Variants in PPFIBP1 observed in about 807,000 individuals in gnomAD.
PPFIBP1 encodes the protein PPFIB scaffold protein 1, also known as liprin-beta-1.
Under a neutral mutation model 137.8 loss-of-function variants are expected in PPFIBP1, and 112 were observed. The ratio of observed to expected loss-of-function variants is 0.81; its 90% CI spans 0.70 to 0.95. PPFIBP1 has a LOEUF of 0.95. Among genes scored for constraint, PPFIBP1 ranks in the 40% least tolerant of loss-of-function variants. The pLI is 0.00. For synonymous variants in PPFIBP1, 378 were observed against 417.3 expected, an observed-to-expected ratio of 0.91 and a Z score of 1.15; for missense variants, 1,083 against 1,196.6, an observed-to-expected ratio of 0.91 and a Z score of 1.40.
intron 7 of PPFIBP1, among the ~76,000 whole-genome samples, chr12:27,651,543 C>T (rs560907587): frequency 6.6e-6 from 1 of 152,160 alleles, no homozygotes; most frequent in African/African-American, 2.4e-5. Flanking sequence ...CTCTAAAAAT[C>T]TCTTTGATAT....
chr12:27,645,142 T>A (rs1171417166), intron 4 of PPFIBP1, among the ~76,000 whole-genome samples: 1 of 152,230 alleles, frequency 6.6e-6, no homozygotes, highest in Non-Finnish European at 1.5e-5. Flanking sequence ...GGTGGCCCCA[T>A]CTAACACTTT....
At chr12:27,570,669 A>T (rs911698957) in intron 1 of PPFIBP1, among the ~76,000 whole-genome samples, 7 of 152,054 alleles carry the variant, frequency 4.6e-5, no homozygotes, top group African/African-American at 1.7e-4. Context: ...AAAAATGTAC[A>T]TAAGGCCAAG....
At chr12:27,674,603 T>G (rs1311600823) in intron 17 of PPFIBP1, among the ~76,000 whole-genome samples, 1 of 152,148 alleles carries the variant, frequency 6.6e-6, no homozygotes, top group Non-Finnish European at 1.5e-5. Context: ...TGTTATGAAT[T>G]TCACTTCAGT....
In PPFIBP1 at chr12:27,681,586, G is replaced by A. The variant is rs1206024262; in HGVS notation, c.1936G>A (p.Val646Ile). 2 of 1,614,008 alleles carry A rather than the reference G, an allele frequency of 1.2e-6. No individual in the cohort carries two copies. The highest frequency in any genetic ancestry group is 1.7e-6 in the Non-Finnish European group (2 of 1,179,994). The part of the protein sequence containing the change: ...MPFAKWTKEQ[V>I]CNWLMEQGLG... Reference sequence around the variant, plus strand: ...ATTTGCCAAGTGGACCAAGGAGCAGGTTTGCAATTGGCTGATGGAACAGGG... The same window carrying A: ...ATTTGCCAAGTGGACCAAGGAGCAGATTTGCAATTGGCTGATGGAACAGGG... The change falls in exon 22 of 30, where the codon GTT becomes ATT. Residue 646 changes from valine (V) to isoleucine (I), a missense_variant. By Grantham distance (29) the Val-to-Ile change is conservative. Coordinates refer to ENST00000228425, the MANE Select transcript of PPFIBP1 (RefSeq NM_003622.4).
intron 1 of PPFIBP1, among the ~76,000 whole-genome samples, chr12:27,527,902 G>A (rs1943959097): frequency 6.6e-6 from 1 of 152,116 alleles, no homozygotes; most frequent in South Asian, 2.1e-4. Context: ...AGTCAAAGCT[G>A]TTAGGGTTAC....
At position 27,687,524 on chromosome 12, in the gene PPFIBP1, G is replaced by T. The variant is rs1374023190; in HGVS notation, c.2370+17G>T. On this transcript the variant is annotated intron_variant, in intron 25 of 29. Transcript: ENST00000228425. Reference sequence around the variant, plus strand: ...TCTGATGAGGTAGTGTTTTAAGATTGAGGTTTATAAGCATGCACTTCCCAG... The same window carrying T: ...TCTGATGAGGTAGTGTTTTAAGATTTAGGTTTATAAGCATGCACTTCCCAG... 2 of 1,612,386 alleles carry T rather than the reference G, an allele frequency of 1.2e-6. No individual in the cohort carries two copies. Among genetic ancestry groups the T allele is most frequent in the Non-Finnish European group, 1.7e-6 (2 of 1,179,122 alleles).
intron 2 of PPFIBP1, among the ~76,000 whole-genome samples, chr12:27,596,523 A>T (rs2053328006): frequency 1.3e-5 from 2 of 151,884 alleles, no homozygotes; most frequent in Non-Finnish European, 2.9e-5. Flanking sequence ...TTGTTTTATT[A>T]TTATTTTTTA....
chr12:27,654,315 T>TA (rs2059062680), intron 7 of PPFIBP1: 1 of 152,842 alleles, frequency 6.5e-6, no homozygotes, highest in South Asian at 2.1e-4. Flanking sequence ...GTTCAAAAGG[T>TA]AAATGGCTTT....
intron 2 of PPFIBP1, among the ~76,000 whole-genome samples, chr12:27,614,953 C>T (rs565996860): frequency 3.9e-5 from 6 of 152,138 alleles, no homozygotes; most frequent in Non-Finnish European, 8.8e-5. Context: ...GGTATTAATG[C>T]CTTCTAGTTG....
chr12:27,671,826 C>A (rs1593280844), intron 14 of PPFIBP1, among the ~76,000 whole-genome samples: 1 of 152,152 alleles, frequency 6.6e-6, no homozygotes, highest in South Asian at 2.1e-4. Context: ...AATCTCAGCA[C>A]TTTGGAAGGC....
chr12:27,528,849 AT>A (rs1944081599), intron 1 of PPFIBP1, among the ~76,000 whole-genome samples: 1 of 152,126 alleles, frequency 6.6e-6, no homozygotes, highest in South Asian at 2.1e-4. Context: ...GAGAGTGTCT[AT>A]TTCTGAAAGG....
intron 25 of PPFIBP1, 90 bp from the exon 26 acceptor site, chr12:27,688,208 G>A: frequency 7.3e-7 from 1 of 1,362,598 alleles, no homozygotes; most frequent in East Asian, 2.4e-5. Context: ...TGCATTTAGT[G>A]GGTTGTTGAG....
chr12:27,644,233 A>C (rs10129002), intron 4 of PPFIBP1, among the ~76,000 whole-genome samples: 52 of 144,876 alleles, frequency 3.6e-4, no homozygotes, highest in African/African-American at 1.2e-3. Flanking sequence ...CACACCACCA[A>C]GCTTGGCTAA....
chr12:27,674,310 C>T (rs751623898), intron 17 of PPFIBP1, 89 bp downstream of exon 17: 12 of 929,168 alleles, frequency 1.3e-5, no homozygotes, highest in Non-Finnish European at 2.0e-5. Flanking sequence ...TAAAAACTTT[C>T]AGAACCTCTA....
At chr12:27,593,563 G>T in intron 2 of PPFIBP1, 1 of 369,160 alleles carries the variant, frequency 2.7e-6, no homozygotes, top group South Asian at 2.5e-5. Flanking sequence ...CTGGAAATCT[G>T]AGTAGTTTCA....
intron 5 of PPFIBP1, among the ~76,000 whole-genome samples, chr12:27,647,281 G>C (rs767206378): frequency 2.0e-5 from 3 of 152,112 alleles, no homozygotes; most frequent in African/African-American, 4.8e-5. Flanking sequence ...GATTACAGGC[G>C]TGAGCCACCG....
intron 1 of PPFIBP1, among the ~76,000 whole-genome samples, chr12:27,545,942 C>G (rs1946199000): frequency 6.6e-6 from 1 of 152,200 alleles, no homozygotes; most frequent in Non-Finnish European, 1.5e-5. Context: ...AGCCTCTTGT[C>G]AGCTGTACTT....
At position 27,691,800 on chromosome 12, in the gene PPFIBP1, G is replaced by C. The variant is rs1255229295; in HGVS notation, c.2737G>C (p.Glu913Gln). The C allele has an allele frequency of 6.2e-7, 1 of 1,613,040 alleles. No individual in the cohort carries two copies. The highest frequency in any genetic ancestry group is 8.5e-7 in the Non-Finnish European group (1 of 1,179,752). ...TGGGAATTTGAGAAAGAAGAAACAGGAAGATGGTGAAGAATATGTTTGTCC... is the reference window on the plus strand; with the variant it reads ...TGGGAATTTGAGAAAGAAGAAACAGCAAGATGGTGAAGAATATGTTTGTCC... ...NFGNLRKKKQEDGEEYVCPME... is the reference protein window; with the variant it reads ...NFGNLRKKKQQDGEEYVCPME... The change falls in exon 28 of 30, where the codon GAA becomes CAA. Residue 913 changes from glutamate to glutamine, a missense_variant. By Grantham distance (29) the Glu-to-Gln change is conservative. Coordinates refer to ENST00000228425, the MANE Select transcript of PPFIBP1 (RefSeq NM_003622.4).
intron 4 of PPFIBP1, among the ~76,000 whole-genome samples, chr12:27,642,143 T>C (rs1052813655): frequency 6.6e-6 from 1 of 152,222 alleles, no homozygotes; most frequent in African/African-American, 2.4e-5. Context: ...TTTAGATGTG[T>C]TTCTCCCCAT....
Sources: gnomAD v4.1 joint callset for allele counts (sites outside exome capture counted in the v4.1 genomes callset) on GRCh38, gnomAD v4.1.1 for gene constraint, MANE v1.5 for transcripts, NCBI Gene and HGNC (gene_info 2026-07-23, HGNC 2026-07-21) for gene names.